The following SMAD4 variants were observed in gnomAD, a reference collection of about 807,000 sequenced individuals.
The protein encoded by SMAD4 is MAD homolog 4.
In SMAD4, 7 loss-of-function variants were observed where a neutral mutation model predicts 63.2. The observed-to-expected ratio is 0.11, with a 90% confidence interval of 0.06 to 0.21. The LOEUF is 0.21. Among genes scored for constraint, SMAD4 ranks in the 10% least tolerant of loss-of-function variants. The pLI is 1.00. For synonymous variants in SMAD4, 215 were observed against 235.4 expected, an observed-to-expected ratio of 0.91 and a Z score of 0.79; for missense variants, 312 against 693.8, an observed-to-expected ratio of 0.45 and a Z score of 6.18.
At chr18:51,043,060 T>A (rs1434560270) in intron 1 of SMAD4, among the ~76,000 whole-genome samples, 1 of 152,244 alleles carries the variant, frequency 6.6e-6, no homozygotes. Flanking sequence ...TAGGTGGAAG[T>A]ACACATTATA....
chr18:51,046,305 T>C (rs1317369257), intron 1 of SMAD4, among the ~76,000 whole-genome samples: 1 of 152,212 alleles, frequency 6.6e-6, no homozygotes, highest in Non-Finnish European at 1.5e-5. Flanking sequence ...TCAGTAGGTA[T>C]GAAGTAGCAG....
At chr18:51,031,811 A>T (rs1367432222) in intron 1 of SMAD4, among the ~76,000 whole-genome samples, 4 of 152,082 alleles carry the variant, frequency 2.6e-5, no homozygotes, top group South Asian at 2.1e-4. Context: ...GGTGGATTTC[A>T]TAAATTACTT....
At chr18:51,055,730 T>C (rs905298019) in intron 5 of SMAD4, among the ~76,000 whole-genome samples, 1 of 151,640 alleles carries the variant, frequency 6.6e-6, no homozygotes, top group African/African-American at 2.4e-5. Flanking sequence ...CAATTAATCA[T>C]AGAGCATTGT....
At chr18:51,070,911 A>G (rs977689137) in intron 10 of SMAD4, among the ~76,000 whole-genome samples, 2 of 152,132 alleles carry the variant, frequency 1.3e-5, no homozygotes, top group Admixed American at 1.3e-4. Context: ...GTTCTGTTTT[A>G]TTATTACCTG....
Position 51,058,125 on chromosome 18 carries a change from G to A in SMAD4, c.668G>A (p.Ser223Asn), listed in dbSNP as rs774334251. 1.9e-6 allele frequency: 3 copies of A among 1,613,876 alleles called. No homozygotes were observed. Among genetic ancestry groups the A allele is most frequent in the Non-Finnish European group, 2.5e-6 (3 of 1,179,994 alleles). The change falls in exon 6 of 12, where the codon AGT becomes AAT. Residue 223 changes from serine (S) to asparagine (N), a missense_variant and splice_region_variant. This residue lies in a region of SMAD4 where 169 missense variants were observed against 211.0 expected (regional missense o/e 0.80). Coordinates refer to ENST00000342988, the MANE Select transcript of SMAD4 (RefSeq NM_005359.6). The stretch of plus-strand genomic sequence containing the variant: ...TGTTAATGTCTTCTTGTTCCTCTAG[G>A]TCAGCCTGCCAGTATACTGGGGGGC... ...NFPNIPVAST[S>N]QPASILGGSH...
chr18:51,049,254 A>G lies in SMAD4; in HGVS notation c.425-41A>G, dbSNP rs773982472. On this transcript the variant is annotated intron_variant, in intron 3 of 11. Coordinates refer to ENST00000342988, the MANE Select transcript of SMAD4 (RefSeq NM_005359.6). ...TTAAATGGAAAATACTTTCATTGTAATGATTAATGTTTCATTTGTTTTCCC... is the reference window on the plus strand; with the variant it reads ...TTAAATGGAAAATACTTTCATTGTAGTGATTAATGTTTCATTTGTTTTCCC... The G allele has an allele frequency of 2.9e-6, 4 of 1,384,032 alleles. No homozygotes were observed. The Admixed American group carries it at 6.8e-5, about 24-fold the overall frequency. 85.7% of individuals were successfully genotyped at this position (1,384,032 alleles called of 1,614,324 possible).
At chr18:51,065,278 T>C (rs1279430816) in intron 8 of SMAD4, 145 bp from the exon 9 acceptor site, 1 of 715,186 alleles carries the variant, frequency 1.4e-6, no homozygotes, top group Non-Finnish European at 2.5e-6. Flanking sequence ...CATTATGTTA[T>C]TTTAATCCAG....
chr18:51,071,267 C>T (rs1399340844), intron 10 of SMAD4, among the ~76,000 whole-genome samples: 2 of 150,478 alleles, frequency 1.3e-5, no homozygotes, highest in Non-Finnish European at 3.0e-5. Flanking sequence ...CATGCACATA[C>T]ACACACACAC....
intron 10 of SMAD4, among the ~76,000 whole-genome samples, chr18:51,068,412 A>C (rs749559113): frequency 6.6e-6 from 1 of 152,172 alleles, no homozygotes; most frequent in African/African-American, 2.4e-5. Flanking sequence ...TGAGTAACTC[A>C]TAAAATACTC....
Position 51,083,759 on chromosome 18 carries a change from A to G in SMAD4, c.*5292A>G. ...GGAGTTGGAGTAGATTAATTATTCCAGCTCTGAAATTCTAAGTGACCTTGG... is the reference window on the plus strand; with the variant it reads ...GGAGTTGGAGTAGATTAATTATTCCGGCTCTGAAATTCTAAGTGACCTTGG... On this transcript the variant is annotated 3_prime_UTR_variant, in exon 12 of 12. Transcript: ENST00000342988. The G allele has an allele frequency of 4.3e-6, 1 of 230,058 alleles. No individual in the cohort carries two copies. The highest frequency in any genetic ancestry group is 6.2e-5 in the East Asian group (1 of 16,234). The allele number at this position is 230,058 out of a possible 1,614,324, so 14.3% of individuals were successfully genotyped here.
intron 10 of SMAD4, among the ~76,000 whole-genome samples, chr18:51,073,382 TATATATACACAC>T (rs1325971979): frequency 3.1e-4 from 27 of 88,100 alleles, no homozygotes; most frequent in East Asian, 1.2e-3. Context: ...TATATATATA[TATATATACACAC>T]ACACACACAC....
At chr18:51,055,530 TA>T (rs11419287) in intron 5 of SMAD4, among the ~76,000 whole-genome samples, 141 of 148,132 alleles carry the variant, frequency 9.5e-4, no homozygotes, top group African/African-American at 1.6e-3. Flanking sequence ...TATGTGTAAT[TA>T]AAAAAAAAAA....
chr18:51,066,974 A>T (rs2144451409), intron 9 of SMAD4, 45 bp from the exon 10 acceptor site: 1 of 1,465,780 alleles, frequency 6.8e-7, no homozygotes, highest in African/African-American at 1.4e-5. Flanking sequence ...AATTTAATTT[A>T]AAATACTTAT....
intron 10 of SMAD4, among the ~76,000 whole-genome samples, chr18:51,071,745 A>G (rs1910323809): frequency 2.0e-5 from 3 of 152,188 alleles, no homozygotes; most frequent in African/African-American, 7.2e-5. Flanking sequence ...GACTGTGGAA[A>G]AAAACTCCAT....
Sources: allele counts gnomAD v4.1 joint callset (sites outside exome capture counted in the v4.1 genomes callset), GRCh38; gene constraint gnomAD v4.1.1; regional missense constraint gnomAD v4.1.1; transcripts MANE v1.5; gene names NCBI Gene and HGNC (gene_info 2026-07-23, HGNC 2026-07-21).